Variants in KATNIP observed in about 807,000 individuals in gnomAD.
KATNIP encodes the protein katanin interacting protein.
A neutral mutation model predicts 174.0 loss-of-function variants in KATNIP; 126 were observed. That is an observed-to-expected ratio of 0.72 (90% confidence interval 0.63 to 0.84). The LOEUF (loss-of-function observed/expected upper bound fraction) is 0.84. KATNIP is among the 40% of genes least tolerant of loss of function. The pLI is 0.00. For missense variants in KATNIP, 1,958 were observed against 2,109.7 expected, an observed-to-expected ratio of 0.93 and a Z score of 1.41; for synonymous variants, 810 against 835.7, an observed-to-expected ratio of 0.97 and a Z score of 0.53.
intron 14 of KATNIP, among the ~76,000 whole-genome samples, chr16:27,734,395 TAAA>T (rs34449454): frequency 2.6e-5 from 3 of 113,768 alleles, no homozygotes; most frequent in African/African-American, 6.6e-5. Context: ...GGGACTTATT[TAAA>T]AAAAAAAAAA....
chr16:27,760,975 G>A (rs1298032219), intron 18 of KATNIP, among the ~76,000 whole-genome samples: 1 of 152,188 alleles, frequency 6.6e-6, no homozygotes, highest in East Asian at 1.9e-4. Flanking sequence ...AGGCCCTGTG[G>A]TTGGAGAGAG....
chr16:27,731,624 CTT>C (rs60258468), intron 14 of KATNIP, among the ~76,000 whole-genome samples: 10 of 143,740 alleles, frequency 7.0e-5, no homozygotes, highest in Admixed American at 1.4e-4. Context: ...TTTTTCTTTT[CTT>C]TTTTTTTTTT....
chr16:27,683,544 A>G (rs73535049), intron 8 of KATNIP, among the ~76,000 whole-genome samples: 2,385 of 152,308 alleles, frequency 0.016, 59 homozygotes, highest in African/African-American at 0.053. Flanking sequence ...CCTGCAGCCA[A>G]TAGCGTCACA....
At chr16:27,720,611 C>T (rs2080185482) in intron 13 of KATNIP, among the ~76,000 whole-genome samples, 1 of 147,314 alleles carries the variant, frequency 6.8e-6, no homozygotes. Flanking sequence ...TGAATGGGGG[C>T]CTGACATGGA....
intron 13 of KATNIP, among the ~76,000 whole-genome samples, chr16:27,710,365 A>C (rs543164903): frequency 6.6e-6 from 1 of 152,286 alleles, no homozygotes; most frequent in South Asian, 2.1e-4. Flanking sequence ...TCAACAAATA[A>C]ACAAACAAAC....
chr16:27,575,821 G>A (rs890282360), intron 2 of KATNIP, among the ~76,000 whole-genome samples: 8 of 152,142 alleles, frequency 5.3e-5, no homozygotes, highest in African/African-American at 1.2e-4. Flanking sequence ...TAGGAACTTC[G>A]CTGCTGCTGA....
chr16:27,744,432 G>A (rs1325464971), intron 15 of KATNIP, among the ~76,000 whole-genome samples: 1 of 152,152 alleles, frequency 6.6e-6, no homozygotes, highest in Non-Finnish European at 1.5e-5. Flanking sequence ...GGAGGCTGAG[G>A]CAGGAGGATC....
At chr16:27,578,207 C>G (rs1303973264) in intron 2 of KATNIP, among the ~76,000 whole-genome samples, 3 of 152,072 alleles carry the variant, frequency 2.0e-5, no homozygotes, top group Non-Finnish European at 4.4e-5. Flanking sequence ...GTGGTACATG[C>G]CTGTAGTACC....
intron 4 of KATNIP, among the ~76,000 whole-genome samples, chr16:27,629,204 T>C (rs890891353): frequency 1.1e-4 from 17 of 148,384 alleles, no homozygotes; most frequent in African/African-American, 4.2e-4. Flanking sequence ...TGGAACCACA[T>C]CCTGTGCATG....
rs527394778 is a variant in KATNIP at position 27,760,782 on chromosome 16, G to A, written c.3632-631G>A. Among the ~76,000 whole-genome samples the A allele has an allele frequency of 2.9e-4, 44 of 152,316 alleles. No individual in the cohort carries two copies. The South Asian group carries it at 8.5e-3, about 29-fold the overall frequency. Reference sequence around the variant, plus strand: ...AAGTGGGTATTTACCAAGATCACGCGATTACAGCAGTGACCAGGGCTTGGA... The same window carrying A: ...AAGTGGGTATTTACCAAGATCACGCAATTACAGCAGTGACCAGGGCTTGGA... On this transcript the variant is annotated intron_variant, in intron 18 of 27. Coordinates refer to ENST00000261588, the MANE Select transcript of KATNIP (RefSeq NM_015202.5).
chr16:27,618,291 C>A, intron 2 of KATNIP, 134 bp from the exon 3 acceptor site: 1 of 662,588 alleles, frequency 1.5e-6, no homozygotes, highest in Non-Finnish European at 2.7e-6. Context: ...TGGAGCAATG[C>A]GCCTGGGGTG....
At chr16:27,744,711 C>G (rs1468432753) in intron 15 of KATNIP, among the ~76,000 whole-genome samples, 1 of 151,778 alleles carries the variant, frequency 6.6e-6, no homozygotes, top group African/African-American at 2.4e-5. Context: ...GGCAAAACAC[C>G]GTCTCTACTA....
rs1227155453 is a variant in KATNIP, at chr16:27,685,342, G to A, written c.940+3812G>A. The stretch of plus-strand genomic sequence containing the variant: ...AGGGGCAGAGGTTGCAGTGAGCTGA[G>A]ATTGGACCACTGTACTCCAGCCTGG... On this transcript the variant is annotated intron_variant, in intron 8 of 27. Coordinates refer to ENST00000261588, the MANE Select transcript of KATNIP (RefSeq NM_015202.5). 4 of 152,174 alleles carry A rather than the reference G, an allele frequency of 2.6e-5. No individual in the cohort carries two copies. In the East Asian group the frequency reaches 5.8e-4, roughly 22 times the overall value. The allele number at this position is 152,174 out of a possible 1,614,324, so 9.4% of individuals were successfully genotyped here.
chr16:27,725,402 A>G (rs980561992), intron 14 of KATNIP, among the ~76,000 whole-genome samples: 2 of 152,098 alleles, frequency 1.3e-5, no homozygotes, highest in Non-Finnish European at 2.9e-5. Context: ...AAGATCTGGA[A>G]CCTTCTTTCT....
chr16:27,588,130 G>A (rs1021218013), intron 2 of KATNIP, among the ~76,000 whole-genome samples: 2 of 151,854 alleles, frequency 1.3e-5, no homozygotes, highest in South Asian at 4.2e-4. Flanking sequence ...GAACTCAAGC[G>A]ACCCTCCTGC....
In KATNIP at chr16:27,779,062, G is replaced by A. The variant is rs1017774182; in HGVS notation, c.*433G>A. 2 of 163,770 alleles carry A rather than the reference G, an allele frequency of 1.2e-5. No individual in the cohort carries two copies. The highest frequency in any genetic ancestry group is 6.4e-5 in the Admixed American group (1 of 15,636). 10.1% of individuals were successfully genotyped at this position (163,770 alleles called of 1,614,324 possible). A position where few individuals can be genotyped will look rare whatever the true frequency, so the allele number is the denominator to read the frequency against. On this transcript the variant is annotated 3_prime_UTR_variant, in exon 28 of 28. Coordinates refer to ENST00000261588, the MANE Select transcript of KATNIP (RefSeq NM_015202.5). ...CCTACCCCGCAACTCCAGTAAGCAG[G>A]GCACTGCCCAGGGAGACTGCCTTCA...
At chr16:27,623,455 C>CTGATTGAT (rs779380200) in intron 3 of KATNIP, among the ~76,000 whole-genome samples, 69 of 151,994 alleles carry the variant, frequency 4.5e-4, no homozygotes, top group African/African-American at 1.6e-3. Flanking sequence ...CAGTTATTGA[C>CTGATTGAT]TGATTGATTG....
chr16:27,662,294 A>C (rs1281299115), intron 6 of KATNIP, among the ~76,000 whole-genome samples: 1 of 151,464 alleles, frequency 6.6e-6, no homozygotes, highest in African/African-American at 2.4e-5. Flanking sequence ...TGGCCTTTAG[A>C]CTACCAACTT....
At chr16:27,731,624 CTTT>C (rs60258468) in intron 14 of KATNIP, among the ~76,000 whole-genome samples, 4 of 143,824 alleles carry the variant, frequency 2.8e-5, no homozygotes, top group African/African-American at 7.6e-5. Context: ...TTTTTCTTTT[CTTT>C]TTTTTTTTTT....
Sources: gnomAD v4.1 joint callset for allele counts (sites outside exome capture counted in the v4.1 genomes callset) on GRCh38, gnomAD v4.1.1 for gene constraint, MANE v1.5 for transcripts, NCBI Gene and HGNC (gene_info 2026-07-23, HGNC 2026-07-21) for gene names.